MADD: variants seen among roughly 807,000 people sequenced by gnomAD.
The protein encoded by MADD is MAP kinase activating death domain, also known as MAP kinase-activating death domain protein.
In MADD, 109 loss-of-function variants were observed where a neutral mutation model predicts 176.7. The ratio of observed to expected loss-of-function variants is 0.62; its 90% CI spans 0.53 to 0.72. The LOEUF (loss-of-function observed/expected upper bound fraction) is 0.72. Ranked by LOEUF, MADD falls within the 30% of genes least tolerant of loss-of-function variation. The probability of loss-of-function intolerance (pLI) is 0.00; values close to 1 mark genes in which losing one functional copy is unlikely to be tolerated. For synonymous variants in MADD, 771 were observed against 771.3 expected, an observed-to-expected ratio of 1.00 and a Z score of 0.01; for missense variants, 1,914 against 2,045.5, an observed-to-expected ratio of 0.94 and a Z score of 1.24.
chr11:47,323,955 G>A, intron 28 of MADD, 120 bp downstream of exon 31: 1 of 1,106,920 alleles, frequency 9.0e-7, no homozygotes, highest in East Asian at 2.5e-5. Context: ...GTCTCCAGCT[G>A]TTGGGTGGAG....
rs1180133036 is a variant in MADD at position 47,285,521 on chromosome 11, G to C, written c.2482G>C (p.Ala828Pro). The C allele has an allele frequency of 3.7e-6, 6 of 1,614,186 alleles. No individual in the cohort carries two copies. The African/African-American group carries it at 6.7e-5, about 18-fold the overall frequency. ...CTCAGATGCAGAGTCAGACTCTCGGGCAAGCTCTCCCAACTCCACCGTCTC... is the reference window on the plus strand; with the variant it reads ...CTCAGATGCAGAGTCAGACTCTCGGCCAAGCTCTCCCAACTCCACCGTCTC... The change falls in exon 14 of 33, where the codon GCA (alanine) becomes CCA (proline). Residue 828 changes from alanine (A) to proline (P), a missense_variant. By Grantham distance (27) the Ala-to-Pro change is conservative (BLOSUM62 -1). Coordinates refer to ENST00000402192, the Ensembl canonical transcript of MADD.
chr11:47,309,146 G>A (rs1203186960), intron 23 of MADD, 104 bp downstream of exon 26: 19 of 1,546,904 alleles, frequency 1.2e-5, no homozygotes, highest in Non-Finnish European at 1.6e-5. Flanking sequence ...TAGATCTGGG[G>A]TAGAAAGATT....
rs182730247 is a variant in MADD, at chr11:47,273,574, A to G, written c.-88-253A>G. On this transcript the variant is annotated intron_variant, in intron 1 of 32. Coordinates refer to ENST00000402192, the Ensembl canonical transcript of MADD. ...CAGCTGGTCTCAAACTCCTGACCTC[A>G]GGTGATCCGCCTCGGCCTCCCAGAG... Among the ~76,000 whole-genome samples the G allele has an allele frequency of 3.5e-3, 535 of 152,318 alleles. 1 individual carries two copies. The highest frequency in any genetic ancestry group is 6.8e-3 in the Middle Eastern group (2 of 294).
chr11:47,328,756 G>A (rs912134654), intron 32 of MADD, 52 bp downstream of exon 36: 7 of 1,610,464 alleles, frequency 4.3e-6, no homozygotes, highest in Non-Finnish European at 5.9e-6. Context: ...GCTCCCTGGG[G>A]GACCTTCGGA....
Position 47,284,172 on chromosome 11 carries a change from C to T in MADD, c.1863-6C>T. 1 of 1,599,680 alleles carries T rather than the reference C, an allele frequency of 6.3e-7. No individual in the cohort carries two copies. Among genetic ancestry groups the T allele is most frequent in the South Asian group, 1.1e-5 (1 of 90,732 alleles). On this transcript the variant is annotated splice_polypyrimidine_tract_variant and splice_region_variant and intron_variant, in intron 10 of 32. Coordinates refer to ENST00000402192, the Ensembl canonical transcript of MADD. ...TTGTTTGTTTTTTATGCACTTCACT[C>T]TGCAGTGGCAGTGATAGTATGGATT...
At chr11:47,273,865 C>T in exon 2 of MADD, 1 of 1,541,656 alleles carries the variant, frequency 6.5e-7, no homozygotes, top group South Asian at 1.1e-5. Context: ...ATGCTGACTC[C>T]TTGCTTGGTG....
At chr11:47,311,216 C>T (rs961455687) in intron 25 of MADD, among the ~76,000 whole-genome samples, 16 of 152,144 alleles carry the variant, frequency 1.1e-4, no homozygotes, top group Non-Finnish European at 1.8e-4. Flanking sequence ...ATCAGTTGAT[C>T]AAATGCAGAG....
intron 22 of MADD, among the ~76,000 whole-genome samples, chr11:47,299,493 A>G (rs1366572796): frequency 6.6e-6 from 1 of 150,862 alleles, no homozygotes; most frequent in African/African-American, 2.4e-5. Context: ...GTTGGTATAT[A>G]GACACACTAC....
At chr11:47,323,073 A>G (rs1157489618) in intron 27 of MADD, among the ~76,000 whole-genome samples, 1 of 152,060 alleles carries the variant, frequency 6.6e-6, no homozygotes, top group Non-Finnish European at 1.5e-5. Flanking sequence ...CCCTGTCTCT[A>G]CTAAAAATAC....
At chr11:47,297,706 A>C (rs1405143346) in intron 22 of MADD, among the ~76,000 whole-genome samples, 1 of 151,312 alleles carries the variant, frequency 6.6e-6, no homozygotes, top group Non-Finnish European at 1.5e-5. Flanking sequence ...TTGGCCTACC[A>C]AAGTGCTGGG....
At chr11:47,298,939 C>T (rs2075370688) in intron 22 of MADD, among the ~76,000 whole-genome samples, 1 of 152,156 alleles carries the variant, frequency 6.6e-6, no homozygotes, top group South Asian at 2.1e-4. Flanking sequence ...AAGAGACTGT[C>T]CCTATCCCCA....
At chr11:47,278,482 T>G (rs2052724256) in intron 6 of MADD, among the ~76,000 whole-genome samples, 1 of 152,150 alleles carries the variant, frequency 6.6e-6, no homozygotes, top group Non-Finnish European at 1.5e-5. Context: ...CTCAGAGAAT[T>G]ACAGGATTTA....
chr11:47,311,722 G>A lies in MADD; in HGVS notation c.3979-10G>A. 2 of 1,563,934 alleles carry A rather than the reference G, an allele frequency of 1.3e-6. No homozygotes were observed. Among genetic ancestry groups the A allele is most frequent in the Non-Finnish European group, 1.8e-6 (2 of 1,134,262 alleles). ...GATCCCTTGTTAAGAGTCATGTGTTGGCTTTTCAGGTAAATAAGAATGACA... is the reference window on the plus strand; with the variant it reads ...GATCCCTTGTTAAGAGTCATGTGTTAGCTTTTCAGGTAAATAAGAATGACA... On this transcript the variant is annotated splice_polypyrimidine_tract_variant and intron_variant, in intron 25 of 32. Coordinates refer to ENST00000402192, the Ensembl canonical transcript of MADD.
chr11:47,309,343 G>T (rs776505109), exon 24 of MADD: 1 of 1,614,180 alleles, frequency 6.2e-7, no homozygotes, highest in South Asian at 1.1e-5. Flanking sequence ...CTTAGATGCT[G>T]TGATGTTGGA....
intron 14 of MADD, 76 bp from the exon 15 acceptor site, chr11:47,286,357 A>G (rs2060633492): frequency 2.2e-6 from 2 of 901,370 alleles, no homozygotes; most frequent in Non-Finnish European, 1.9e-6. Context: ...GGAGGTGCAG[A>G]TGCTGATAGT....
intron 22 of MADD, among the ~76,000 whole-genome samples, chr11:47,306,208 C>G (rs1371585785): frequency 6.6e-6 from 1 of 152,146 alleles, no homozygotes; most frequent in Non-Finnish European, 1.5e-5. Flanking sequence ...GGTGGAGTGG[C>G]TCTGCCTCCA....
intron 22 of MADD, among the ~76,000 whole-genome samples, chr11:47,300,248 C>G (rs1366158125): frequency 6.7e-6 from 1 of 148,882 alleles, no homozygotes. Context: ...GCTCTGTTGC[C>G]CAGGCTGGAG....
intron 22 of MADD, among the ~76,000 whole-genome samples, chr11:47,303,772 A>AT (rs1371487484): frequency 1.3e-5 from 2 of 151,222 alleles, no homozygotes; most frequent in Non-Finnish European, 2.9e-5. Context: ...CGCTCGGCTA[A>AT]TTTTTTTGTA....
intron 13 of MADD, 125 bp downstream of exon 13, chr11:47,285,319 G>A (rs772158320): frequency 1.7e-5 from 27 of 1,550,144 alleles, no homozygotes; most frequent in Non-Finnish European, 2.2e-5. Context: ...ATCCCCAGAG[G>A]ATGGTGTTCT....
Sources: allele counts gnomAD v4.1 joint callset (sites outside exome capture counted in the v4.1 genomes callset), GRCh38; gene constraint gnomAD v4.1.1; transcripts MANE v1.5; gene names NCBI Gene and HGNC (gene_info 2026-07-23, HGNC 2026-07-21).